Variants in MICAL2 observed in about 807,000 individuals in gnomAD.
MICAL2 encodes the protein microtubule associated monooxygenase, calponin and LIM domain containing 2.
MICAL2 carries 77 observed loss-of-function variants against 127.3 expected under a neutral mutation model. That is an observed-to-expected ratio of 0.60 (90% CI 0.50 to 0.73). MICAL2 has a LOEUF of 0.73. MICAL2 is among the 30% of genes least tolerant of loss of function. The pLI is 0.00. For synonymous variants in MICAL2, 570 were observed against 551.1 expected (o/e 1.03, Z -0.48); for missense variants, 1,351 against 1,434.4 (o/e 0.94, Z 0.94).
chr11:12,243,897 G>T lies in MICAL2; in HGVS notation c.2659-90G>T. 2.0e-6 allele frequency: 3 copies of T among 1,488,458 alleles called. No homozygotes were observed. In the Admixed American group the frequency reaches 5.1e-5, roughly 25 times the overall value. 92.2% of individuals were successfully genotyped at this position (1,488,458 alleles called of 1,614,324 possible). A position where few individuals can be genotyped will look rare whatever the true frequency, so the allele number is the denominator to read the frequency against. The stretch of plus-strand genomic sequence containing the variant: ...GTCTCCTTTCTTTGCCTTCTTGAGT[G>T]CACAGGCATGGGACTGCATGATTGA... On this transcript the variant is annotated intron_variant, in intron 20 of 27. Transcript: ENST00000683283.
intron 1 of MICAL2, among the ~76,000 whole-genome samples, chr11:12,128,134 G>C (rs757935957): frequency 3.3e-5 from 5 of 152,128 alleles, no homozygotes; most frequent in Non-Finnish European, 5.9e-5. Flanking sequence ...AAATAATGGC[G>C]CTTTTCAGGA....
At chr11:12,141,179 C>T (rs112875372) in intron 2 of MICAL2, among the ~76,000 whole-genome samples, 101 of 152,278 alleles carry the variant, frequency 6.6e-4, no homozygotes, top group African/African-American at 2.4e-3. Context: ...TTGAGGTCAA[C>T]AGAATAGAGT....
At chr11:12,127,118 G>C (rs558054003) in intron 1 of MICAL2, among the ~76,000 whole-genome samples, 146 of 152,274 alleles carry the variant, frequency 9.6e-4, no homozygotes, top group East Asian at 5.8e-4. Flanking sequence ...TTTAACTTCA[G>C]AACAGGGATG....
intron 2 of MICAL2, among the ~76,000 whole-genome samples, chr11:12,139,934 C>G (rs780937061): frequency 6.6e-6 from 1 of 152,158 alleles, no homozygotes; most frequent in Non-Finnish European, 1.5e-5. Context: ...TCTTGGGTCC[C>G]TCCTGGCTCA....
intron 1 of MICAL2, among the ~76,000 whole-genome samples, chr11:12,136,983 G>A (rs528298491): frequency 6.6e-6 from 1 of 152,332 alleles, no homozygotes; most frequent in South Asian, 2.1e-4. Flanking sequence ...TTGGACCAAT[G>A]ATGGAATTCT....
chr11:12,235,493 G>C (rs1040612944), intron 15 of MICAL2, among the ~76,000 whole-genome samples: 2 of 152,120 alleles, frequency 1.3e-5, no homozygotes, highest in Non-Finnish European at 2.9e-5. Flanking sequence ...GGTAAAAAGC[G>C]GTAAATCAGA....
downstream of MICAL2, chr11:12,292,089 T>C: frequency 6.4e-7 from 1 of 1,563,114 alleles, no homozygotes; most frequent in Non-Finnish European, 8.6e-7. Context: ...CCTCCTCTTT[T>C]CTTGATAAAA....
At chr11:12,311,912 T>G (rs2134824731) in intron 29 of MICAL2, among the ~76,000 whole-genome samples, 1 of 152,240 alleles carries the variant, frequency 6.6e-6, no homozygotes, top group South Asian at 2.1e-4. Flanking sequence ...TTTAGTCCCT[T>G]TAATAGAGAA....
At chr11:12,193,568 G>C (rs1057480829) in intron 3 of MICAL2, among the ~76,000 whole-genome samples, 1 of 152,190 alleles carries the variant, frequency 6.6e-6, no homozygotes, top group Admixed American at 6.5e-5. Flanking sequence ...GCCTGTGAGG[G>C]AGAGAGAAGG....
At chr11:12,215,275 C>T (rs772301527) in intron 7 of MICAL2, among the ~76,000 whole-genome samples, 4 of 152,202 alleles carry the variant, frequency 2.6e-5, no homozygotes, top group Admixed American at 1.3e-4. Context: ...GTGACAGTCG[C>T]GACCTTCCTG....
chr11:12,232,481 G>T (rs1056245681), intron 15 of MICAL2, among the ~76,000 whole-genome samples: 3 of 152,192 alleles, frequency 2.0e-5, no homozygotes, highest in African/African-American at 7.2e-5. Flanking sequence ...CCAGCACTTT[G>T]GGAGGCTGAG....
At chr11:12,118,967 G>A (rs1850277776) in intron 1 of MICAL2, among the ~76,000 whole-genome samples, 1 of 152,140 alleles carries the variant, frequency 6.6e-6, no homozygotes, top group South Asian at 2.1e-4. Flanking sequence ...TCCTCTAGGT[G>A]GGTTCCTGAG....
chr11:12,335,229 T>C (rs957948025), intron 32 of MICAL2, among the ~76,000 whole-genome samples: 5 of 152,030 alleles, frequency 3.3e-5, no homozygotes, highest in Admixed American at 6.6e-5. Context: ...TTTCATGTGT[T>C]TTTTGGCTGC....
intron 29 of MICAL2, among the ~76,000 whole-genome samples, chr11:12,313,649 T>A (rs7130494): frequency 0.24 from 36,584 of 152,082 alleles, 4,838 homozygotes; most frequent in East Asian, 0.44. Context: ...TATTCTATAT[T>A]TGCTTATCAA....
intron 21 of MICAL2, among the ~76,000 whole-genome samples, chr11:12,245,338 C>A (rs1459424351): frequency 6.6e-6 from 1 of 152,188 alleles, no homozygotes; most frequent in African/African-American, 2.4e-5. Flanking sequence ...TGTTTCTGTG[C>A]TGTTAGACTG....
At chr11:12,222,521 C>A in intron 10 of MICAL2, 96 bp from the exon 11 acceptor site, 2 of 1,505,342 alleles carry the variant, frequency 1.3e-6, no homozygotes, top group Non-Finnish European at 1.8e-6. Flanking sequence ...GTCCAGGAAG[C>A]CCTTGAGCCA....
chr11:12,211,702 A>C (rs1021094722), intron 6 of MICAL2, among the ~76,000 whole-genome samples: 1 of 152,170 alleles, frequency 6.6e-6, no homozygotes, highest in Non-Finnish European at 1.5e-5. Context: ...TCAATAGGGA[A>C]AGTACCAAGT....
intron 8 of MICAL2, among the ~76,000 whole-genome samples, chr11:12,216,751 A>T (rs1283186561): frequency 6.6e-6 from 1 of 152,196 alleles, no homozygotes; most frequent in East Asian, 1.9e-4. Flanking sequence ...TCATGCAGTC[A>T]AAAAGACTCG....
At chr11:12,300,736 G>A (rs191592065) in intron 29 of MICAL2, among the ~76,000 whole-genome samples, 20 of 152,302 alleles carry the variant, frequency 1.3e-4, no homozygotes, top group Admixed American at 6.5e-4. Context: ...CAGCCCAGCT[G>A]ACACTTTAAT....
Sources: allele counts gnomAD v4.1 joint callset (sites outside exome capture counted in the v4.1 genomes callset), GRCh38; gene constraint gnomAD v4.1.1; transcripts MANE v1.5; gene names NCBI Gene and HGNC (gene_info 2026-07-23, HGNC 2026-07-21).